The following TECPR2 variants were observed in gnomAD, a reference collection of about 807,000 sequenced individuals.
TECPR2 encodes the protein tectonin beta-propeller repeat containing 2.
In TECPR2, 65 loss-of-function variants were observed where a neutral mutation model predicts 138.1. The observed-to-expected ratio is 0.47, with a 90% CI of 0.39 to 0.58. TECPR2 has a LOEUF of 0.58. TECPR2 is among the 20% of genes least tolerant of loss of function. The pLI, the probability that TECPR2 is intolerant of heterozygous loss-of-function variation, is 0.00. For synonymous variants in TECPR2, 746 were observed against 749.8 expected (o/e 0.99, Z 0.08); for missense variants, 1,553 against 1,824.5 (o/e 0.85, Z 2.71).
intron 13 of TECPR2, among the ~76,000 whole-genome samples, chr14:102,448,077 A>G (rs1198368184): frequency 6.6e-6 from 1 of 152,180 alleles, no homozygotes; most frequent in Non-Finnish European, 1.5e-5. Context: ...ATTTTAAAAT[A>G]CCTTTTGTGT....
chr14:102,430,724 A>C (rs978892379), intron 7 of TECPR2, among the ~76,000 whole-genome samples: 1 of 152,216 alleles, frequency 6.6e-6, no homozygotes. Context: ...GCTTGGGGAC[A>C]GGAGACAGGT....
chr14:102,407,501 T>C, intron 3 of TECPR2, 35 bp downstream of exon 3: 3 of 1,564,580 alleles, frequency 1.9e-6, no homozygotes, highest in East Asian at 2.3e-5. Context: ...TGTTAACTTC[T>C]TGGCACATTC....
At chr14:102,369,513 C>T (rs1047382409) in intron 1 of TECPR2, among the ~76,000 whole-genome samples, 4 of 152,160 alleles carry the variant, frequency 2.6e-5, no homozygotes, top group Middle Eastern at 3.4e-3. Flanking sequence ...TTCAGTCGAT[C>T]CTCCGGGCTC....
chr14:102,381,698 A>T (rs1302909854), intron 2 of TECPR2, among the ~76,000 whole-genome samples: 1 of 152,258 alleles, frequency 6.6e-6, no homozygotes, highest in Non-Finnish European at 1.5e-5. Context: ...GTTCGTTGCC[A>T]ACCGACCTGC....
At chr14:102,381,626 T>G (rs1887822714) in intron 2 of TECPR2, among the ~76,000 whole-genome samples, 1 of 152,130 alleles carries the variant, frequency 6.6e-6, no homozygotes, top group Non-Finnish European at 1.5e-5. Flanking sequence ...CTTTACTCAG[T>G]GAAAATACCT....
At chr14:102,453,438 C>T (rs1255384519) in intron 16 of TECPR2, among the ~76,000 whole-genome samples, 2 of 151,822 alleles carry the variant, frequency 1.3e-5, no homozygotes, top group Admixed American at 6.6e-5. Flanking sequence ...CGAGATCATG[C>T]CATTGCACTC....
rs11624709 is a variant in TECPR2, at chr14:102,499,440, C to G, written c.*1183C>G. The stretch of plus-strand genomic sequence containing the variant: ...CCCTTTGTTCCTTCCCGGGTTTGTC[C>G]TGAGCCTGCACTGTCCTCGCCTGCA... On this transcript the variant is annotated 3_prime_UTR_variant, in exon 20 of 20. Coordinates refer to ENST00000359520, the MANE Select transcript of TECPR2 (RefSeq NM_014844.5). The G allele has an allele frequency of 7.0e-6, 4 of 568,080 alleles. No homozygotes were observed. The highest frequency in any genetic ancestry group is 1.3e-5 in the Non-Finnish European group (4 of 317,260). The allele number at this position is 568,080 out of a possible 1,614,324, so 35.2% of individuals were successfully genotyped here.
intron 4 of TECPR2, among the ~76,000 whole-genome samples, chr14:102,410,714 A>C (rs1888823024): frequency 6.6e-6 from 1 of 152,258 alleles, no homozygotes; most frequent in South Asian, 2.1e-4. Flanking sequence ...AAAAAAAAAA[A>C]ACTTGTCATC....
At chr14:102,379,581 A>T (rs139509731) in intron 2 of TECPR2, among the ~76,000 whole-genome samples, 3 of 150,204 alleles carry the variant, frequency 2.0e-5, no homozygotes, top group Non-Finnish European at 4.4e-5. Context: ...GAGGCACCCT[A>T]GTCACACTGC....
rs1223707534 is a variant in TECPR2, at chr14:102,425,264, T to C, written c.924T>C (p.Ser308=). 1 of 1,606,598 alleles carries C rather than the reference T, an allele frequency of 6.2e-7. No homozygotes were observed. ...GGGTGCTGAGTTGGAATGAATATAG[T>C]ATCTATCTCCTAGACACAGTCAACC... ...EGWVLSWNEY[S]IYLLDTVNQA... is the part of the protein sequence containing the mutation. Residue 308 remains serine (S), a synonymous_variant, in exon 6 of 20, where the codon AGT becomes AGC. Transcript: ENST00000359520.
At chr14:102,432,646 C>T (rs550214600) in intron 8 of TECPR2, among the ~76,000 whole-genome samples, 3 of 152,054 alleles carry the variant, frequency 2.0e-5, no homozygotes, top group East Asian at 2.0e-4. Flanking sequence ...CTGCCCGCCT[C>T]GGCCTCCCAA....
intron 2 of TECPR2, among the ~76,000 whole-genome samples, chr14:102,380,036 T>C (rs1224376086): frequency 7.3e-6 from 1 of 136,936 alleles, no homozygotes. Context: ...CACAGAGGCG[T>C]CCTAGTCACA....
chr14:102,380,979 G>GT (rs566340573), intron 2 of TECPR2, among the ~76,000 whole-genome samples: 5,958 of 133,832 alleles, frequency 0.045, 132 homozygotes, highest in Middle Eastern at 0.098. Context: ...CACCAAGCTT[G>GT]TTTTTTTTTT....
chr14:102,497,131 G>A lies in TECPR2; in HGVS notation c.3931+11G>A, dbSNP rs1453153762. 2.5e-6 allele frequency: 4 copies of A among 1,608,206 alleles called. No homozygotes were observed. In the South Asian group the frequency reaches 4.4e-5, roughly 18 times the overall value. On this transcript the variant is annotated intron_variant, in intron 18 of 19. Transcript: ENST00000359520. ...GGGAGCATGTGCCAGGTAGGAGCCT[G>A]CAGACAGGGCCTGTGGTGCCGGCCA...
At chr14:102,456,798 C>G (rs1330487821) in intron 16 of TECPR2, among the ~76,000 whole-genome samples, 1 of 151,872 alleles carries the variant, frequency 6.6e-6, no homozygotes, top group African/African-American at 2.4e-5. Context: ...ACCGTGTTAG[C>G]CAGGATGGTC....
At chr14:102,428,138 G>A (rs1889373878) in intron 6 of TECPR2, 112 bp from the exon 7 acceptor site, 2 of 1,310,362 alleles carry the variant, frequency 1.5e-6, no homozygotes, top group Non-Finnish European at 1.0e-6. Flanking sequence ...ATAGTAAAGT[G>A]CAGTTATCAT....
intron 17 of TECPR2, among the ~76,000 whole-genome samples, chr14:102,481,678 A>G (rs1890896957): frequency 2.0e-5 from 3 of 152,202 alleles, no homozygotes; most frequent in Admixed American, 2.0e-4. Context: ...GATGTGCTAT[A>G]AGAAACATGT....
chr14:102,492,087 T>A (rs1891171547), intron 17 of TECPR2, among the ~76,000 whole-genome samples: 1 of 152,222 alleles, frequency 6.6e-6, no homozygotes, highest in African/African-American at 2.4e-5. Context: ...CCTGGAAAGA[T>A]GTGTCCAGAA....
intron 19 of TECPR2, 138 bp from the exon 20 acceptor site, chr14:102,497,965 A>T (rs1322368943): frequency 3.2e-6 from 4 of 1,232,234 alleles, no homozygotes; most frequent in Non-Finnish European, 4.5e-6. Flanking sequence ...CGAAGTTCAC[A>T]TGGAGATGGT....
Sources: allele counts gnomAD v4.1 joint callset (sites outside exome capture counted in the v4.1 genomes callset), GRCh38; gene constraint gnomAD v4.1.1; transcripts MANE v1.5; gene names NCBI Gene and HGNC (gene_info 2026-07-23, HGNC 2026-07-21).